The following RAB31 variants were observed in gnomAD, a reference collection of about 807,000 sequenced individuals.
RAB31 encodes RAB31, member RAS oncogene family.
RAB31 carries 21 observed loss-of-function variants against 25.6 expected under a neutral mutation model. The ratio of observed to expected loss-of-function variants is 0.82; its 90% CI spans 0.58 to 1.18. The LOEUF is 1.18. Ranked by LOEUF, RAB31 falls within the 50% of genes most tolerant of loss-of-function variation. The probability of loss-of-function intolerance (pLI) is 0.00; values close to 1 mark genes in which losing one functional copy is unlikely to be tolerated. For missense variants in RAB31, 196 were observed against 250.1 expected, an observed-to-expected ratio of 0.78 and a Z score of 1.46; for synonymous variants, 87 against 84.0, an observed-to-expected ratio of 1.04 and a Z score of -0.20.
chr18:9,789,487 C>G (rs183143960), intron 2 of RAB31, among the ~76,000 whole-genome samples: 1 of 152,084 alleles, frequency 6.6e-6, no homozygotes, highest in Non-Finnish European at 1.5e-5. Flanking sequence ...ACATATCACT[C>G]TGTATCCCAT....
chr18:9,799,156 A>G (rs1396803453), intron 3 of RAB31, among the ~76,000 whole-genome samples: 1 of 152,182 alleles, frequency 6.6e-6, no homozygotes, highest in Non-Finnish European at 1.5e-5. Context: ...GCCTCAAGCA[A>G]TCCATTTCAC....
chr18:9,724,034 G>A (rs1281003552), intron 1 of RAB31, among the ~76,000 whole-genome samples: 4 of 151,910 alleles, frequency 2.6e-5, no homozygotes, highest in Non-Finnish European at 5.9e-5. Flanking sequence ...CACTTTGGGA[G>A]GCCGAGGCGG....
At chr18:9,847,305 G>A (rs2068766794) in intron 6 of RAB31, among the ~76,000 whole-genome samples, 1 of 152,180 alleles carries the variant, frequency 6.6e-6, no homozygotes, top group Non-Finnish European at 1.5e-5. Context: ...TCCTGAGGAC[G>A]ATTGCCTTAG....
chr18:9,789,020 A>G (rs1479580348), intron 2 of RAB31, among the ~76,000 whole-genome samples: 1 of 152,238 alleles, frequency 6.6e-6, no homozygotes, highest in Non-Finnish European at 1.5e-5. Context: ...AAAATGTGGT[A>G]TATATACACA....
chr18:9,752,088 C>T (rs1267972390), intron 1 of RAB31, among the ~76,000 whole-genome samples: 1 of 152,136 alleles, frequency 6.6e-6, no homozygotes, highest in South Asian at 2.1e-4. Context: ...AAGAGGCTGC[C>T]TCCAGCCTCT....
At chr18:9,853,336 G>A (rs1026611711) in intron 6 of RAB31, among the ~76,000 whole-genome samples, 1 of 152,018 alleles carries the variant, frequency 6.6e-6, no homozygotes, top group Non-Finnish European at 1.5e-5. Flanking sequence ...CCATATAATG[G>A]AATATTATAA....
intron 5 of RAB31, among the ~76,000 whole-genome samples, chr18:9,839,670 A>G (rs1293088021): frequency 6.6e-6 from 1 of 152,134 alleles, no homozygotes; most frequent in Non-Finnish European, 1.5e-5. Flanking sequence ...TGTGAAGTCC[A>G]TTTGCCCTGA....
At chr18:9,724,489 C>G (rs1467243843) in intron 1 of RAB31, among the ~76,000 whole-genome samples, 1 of 152,166 alleles carries the variant, frequency 6.6e-6, no homozygotes, top group Non-Finnish European at 1.5e-5. Flanking sequence ...TAGTTACACT[C>G]TACTTGTGCC....
At chr18:9,730,751 T>C (rs1405342517) in intron 1 of RAB31, among the ~76,000 whole-genome samples, 2 of 152,212 alleles carry the variant, frequency 1.3e-5, no homozygotes, top group Non-Finnish European at 2.9e-5. Context: ...GGACATTCTG[T>C]ATTGTCAATG....
intron 3 of RAB31, 29 bp from the exon 4 acceptor site, chr18:9,813,991 G>C (rs1324411758): frequency 6.7e-7 from 1 of 1,481,880 alleles, no homozygotes. Flanking sequence ...GTTCACTTTG[G>C]CCTAAAACTG....
At chr18:9,812,615 T>TTATA (rs1180849895) in intron 3 of RAB31, among the ~76,000 whole-genome samples, 1 of 152,136 alleles carries the variant, frequency 6.6e-6, no homozygotes, top group African/African-American at 2.4e-5. Context: ...TGATTTACCT[T>TTATA]TATATATATC....
intron 2 of RAB31, chr18:9,786,770 G>A (rs574177387): frequency 3.3e-5 from 5 of 152,280 alleles, no homozygotes; most frequent in African/African-American, 7.2e-5. Flanking sequence ...CTCTCGGAGG[G>A]ATATCTTTCC....
chr18:9,811,874 T>G (rs1339396871), intron 3 of RAB31, among the ~76,000 whole-genome samples: 1 of 152,266 alleles, frequency 6.6e-6, no homozygotes, highest in Non-Finnish European at 1.5e-5. Flanking sequence ...ATCATTTTAA[T>G]GGCTATAGAA....
chr18:9,811,136 C>T (rs1384917712), intron 3 of RAB31, among the ~76,000 whole-genome samples: 2 of 152,206 alleles, frequency 1.3e-5, no homozygotes, highest in Non-Finnish European at 2.9e-5. Context: ...CAAGTGCGTT[C>T]TGGAATGGGG....
At chr18:9,755,732 T>C (rs2068257404) in intron 1 of RAB31, among the ~76,000 whole-genome samples, 1 of 152,198 alleles carries the variant, frequency 6.6e-6, no homozygotes, top group Admixed American at 6.5e-5. Context: ...TCTGTTTTCA[T>C]TGTCAGTCCC....
intron 1 of RAB31, among the ~76,000 whole-genome samples, chr18:9,742,487 G>A (rs907422709): frequency 3.9e-5 from 6 of 152,168 alleles, no homozygotes; most frequent in African/African-American, 1.2e-4. Flanking sequence ...TGCTTGGCTC[G>A]GCCTGTTTCC....
At chr18:9,723,317 G>T (rs1352718859) in intron 1 of RAB31, among the ~76,000 whole-genome samples, 1 of 152,104 alleles carries the variant, frequency 6.6e-6, no homozygotes, top group Non-Finnish European at 1.5e-5. Flanking sequence ...CAAAGTGCTA[G>T]GATTACAGGC....
intron 3 of RAB31, among the ~76,000 whole-genome samples, chr18:9,800,042 G>A (rs2068505999): frequency 1.3e-5 from 2 of 152,196 alleles, no homozygotes; most frequent in Non-Finnish European, 2.9e-5. Context: ...AGGCACCTTT[G>A]CAAGGATGTA....
chr18:9,797,384 G>A, intron 3 of RAB31: 1 of 152,168 alleles, frequency 6.6e-6, no homozygotes, highest in Non-Finnish European at 1.5e-5. Flanking sequence ...TCTCCTGCTG[G>A]CGGACGTTCC....
Sources: allele counts gnomAD v4.1 joint callset (sites outside exome capture counted in the v4.1 genomes callset), GRCh38; gene constraint gnomAD v4.1.1; transcripts MANE v1.5; gene names NCBI Gene and HGNC (gene_info 2026-07-23, HGNC 2026-07-21).